The following HSD11B1 variants were observed in gnomAD, a reference collection of about 807,000 sequenced individuals.
HSD11B1 encodes the protein 11-beta-hydroxysteroid dehydrogenase 1.
In HSD11B1, 15 loss-of-function variants were observed where a neutral mutation model predicts 22.1. The observed-to-expected ratio is 0.68, with a 90% CI of 0.45 to 1.04. HSD11B1 has a LOEUF of 1.04. HSD11B1 is among the 50% of genes least tolerant of loss of function. The probability of loss-of-function intolerance (pLI) is 0.00; values close to 1 mark genes in which losing one functional copy is unlikely to be tolerated. For missense variants in HSD11B1, 281 were observed against 357.6 expected (o/e 0.79, Z 1.73); for synonymous variants, 122 against 125.2 (o/e 0.97, Z 0.17).
In HSD11B1 at chr1:209,706,241, C is replaced by G. The variant is rs1352275911; in HGVS notation, c.219+300C>G. 1.3e-5 allele frequency among the ~76,000 whole-genome samples: 2 copies of G among 152,150 alleles called. No homozygotes were observed. Among genetic ancestry groups the G allele is most frequent in the African/African-American group, 4.8e-5 (2 of 41,434 alleles). ...TAGTCACACACATTTACACATGGAA[C>G]TACAGATACATACGGATGTTTTCAA... is the stretch of plus-strand genomic sequence containing the variant. On this transcript the variant is annotated intron_variant, in intron 2 of 5. Transcript: ENST00000367027. The surrounding 1 kb of genome is among the most constrained non-coding windows in gnomAD (Gnocchi z 4.0).
intron 1 of HSD11B1, among the ~76,000 whole-genome samples, chr1:209,699,106 C>A (rs1384703000): frequency 2.0e-5 from 3 of 151,804 alleles, no homozygotes; most frequent in Non-Finnish European, 4.4e-5. Flanking sequence ...GGGAGGAGAA[C>A]AGGAGGAAGG....
chr1:209,705,740 T>C, intron 1 of HSD11B1, 71 bp from the exon 2 acceptor site: 16 of 1,597,388 alleles, frequency 1.0e-5, no homozygotes, highest in East Asian at 2.2e-5. Flanking sequence ...AGCATGCCTA[T>C]ATCCAGAGAG....
At chr1:209,722,998 C>A (rs2076976173) in intron 4 of HSD11B1, among the ~76,000 whole-genome samples, 1 of 152,190 alleles carries the variant, frequency 6.6e-6, no homozygotes, top group African/African-American at 2.4e-5. Context: ...TGCATGGCTT[C>A]TTTGCCAGTT....
At chr1:209,704,182 C>T (rs1571870646), upstream of HSD11B1, among the ~76,000 whole-genome samples, 1 of 152,120 alleles carries the variant, frequency 6.6e-6, no homozygotes, top group East Asian at 1.9e-4. Context: ...TTTTGTCACT[C>T]ATTATTTCTT....
intron 4 of HSD11B1, among the ~76,000 whole-genome samples, chr1:209,709,220 TG>T (rs2076879592): frequency 6.6e-6 from 1 of 152,228 alleles, no homozygotes; most frequent in African/African-American, 2.4e-5. Flanking sequence ...GATAAAGAAT[TG>T]TTTTTTCTCC....
chr1:209,699,604 C>T (rs1395680064), intron 1 of HSD11B1, among the ~76,000 whole-genome samples: 1 of 152,064 alleles, frequency 6.6e-6, no homozygotes, highest in African/African-American at 2.4e-5. Flanking sequence ...ATCATTCCAC[C>T]CCTGGCCCCT....
upstream of HSD11B1, among the ~76,000 whole-genome samples, chr1:209,700,250 G>A (rs2076818617): frequency 6.6e-6 from 1 of 152,224 alleles, no homozygotes; most frequent in Non-Finnish European, 1.5e-5. Flanking sequence ...GAAAACTTTT[G>A]CTTGGGCATC....
At position 209,734,551 on chromosome 1, in the gene HSD11B1, G is replaced by A; in HGVS notation, c.*30G>A. On this transcript the variant is annotated 3_prime_UTR_variant, in exon 6 of 6. Transcript: ENST00000367027. ...TCCCTGAGGGCTGGGCATGCTGAGG[G>A]ATTTTGGGACTGTTCTGTCTCATGT... 1 of 1,519,272 alleles carries A rather than the reference G, an allele frequency of 6.6e-7. No individual in the cohort carries two copies. The highest frequency in any genetic ancestry group is 2.2e-5 in the East Asian group (1 of 44,468). The allele number at this position is 1,519,272 out of a possible 1,614,324, so 94.1% of individuals were successfully genotyped here. A position where few individuals can be genotyped will look rare whatever the true frequency, so the allele number is the denominator to read the frequency against.
chr1:209,697,324 T>C (rs891920096), intron 1 of HSD11B1, among the ~76,000 whole-genome samples: 1 of 152,174 alleles, frequency 6.6e-6, no homozygotes, highest in African/African-American at 2.4e-5. Flanking sequence ...TGAACCCAAC[T>C]CAATGCTCAC....
intron 1 of HSD11B1, among the ~76,000 whole-genome samples, chr1:209,693,556 G>A (rs1021612457): frequency 1.3e-5 from 2 of 152,184 alleles, no homozygotes; most frequent in South Asian, 4.1e-4. Context: ...CAAAAGAAGT[G>A]GTCTCCTTTT....
At chr1:209,728,619 G>A (rs929125900) in intron 4 of HSD11B1, among the ~76,000 whole-genome samples, 1 of 152,140 alleles carries the variant, frequency 6.6e-6, no homozygotes, top group African/African-American at 2.4e-5. Flanking sequence ...CAGATGTAGG[G>A]CAGGCTTCAC....
At chr1:209,687,740 C>T (rs189933621) in intron 1 of HSD11B1, among the ~76,000 whole-genome samples, 383 of 152,240 alleles carry the variant, frequency 2.5e-3, no homozygotes, top group African/African-American at 8.3e-3. Context: ...TCATAAACAC[C>T]GCAGCTGCTG....
chr1:209,725,543 A>C (rs766752401), intron 4 of HSD11B1, among the ~76,000 whole-genome samples: 7 of 152,126 alleles, frequency 4.6e-5, no homozygotes, highest in Admixed American at 2.0e-4. Flanking sequence ...TTTTAAAGAG[A>C]CTTAATTCAT....
intron 4 of HSD11B1, among the ~76,000 whole-genome samples, chr1:209,727,271 G>A (rs969303164): frequency 1.3e-5 from 2 of 152,166 alleles, no homozygotes; most frequent in Admixed American, 6.5e-5. Flanking sequence ...TAGGTTTTGG[G>A]GGGAGCATGG....
chr1:209,711,642 C>G (rs2076896145), intron 4 of HSD11B1, among the ~76,000 whole-genome samples: 1 of 152,074 alleles, frequency 6.6e-6, no homozygotes, highest in Non-Finnish European at 1.5e-5. Flanking sequence ...GTAGACGTGT[C>G]ATCCATAGGG....
At chr1:209,730,047 C>T (rs2077026313) in intron 4 of HSD11B1, among the ~76,000 whole-genome samples, 1 of 152,054 alleles carries the variant, frequency 6.6e-6, no homozygotes, top group Non-Finnish European at 1.5e-5. Flanking sequence ...AAATTGAAAG[C>T]CTTTCCACCA....
intron 1 of HSD11B1, among the ~76,000 whole-genome samples, chr1:209,696,353 T>C (rs765556741): frequency 6.6e-6 from 1 of 152,182 alleles, no homozygotes; most frequent in African/African-American, 2.4e-5. Context: ...GTATATAAAT[T>C]GCACTGCAAT....
intron 1 of HSD11B1, among the ~76,000 whole-genome samples, chr1:209,689,495 T>C (rs536416691): frequency 2.9e-4 from 44 of 152,318 alleles, no homozygotes; most frequent in South Asian, 6.2e-4. Flanking sequence ...CCAAGTTGCA[T>C]GTTGAAATTT....
intron 4 of HSD11B1, among the ~76,000 whole-genome samples, chr1:209,731,192 A>G (rs1416165603): frequency 1.3e-5 from 2 of 152,246 alleles, no homozygotes. Context: ...TGTTCTCTGA[A>G]CAATGCATGG....
Sources: allele counts gnomAD v4.1 joint callset (sites outside exome capture counted in the v4.1 genomes callset), GRCh38; gene constraint gnomAD v4.1.1; non-coding constraint Gnocchi (gnomAD v3.1); transcripts MANE v1.5; gene names NCBI Gene and HGNC (gene_info 2026-07-23, HGNC 2026-07-21).